RBFOX1: variants seen among roughly 807,000 people sequenced by gnomAD.
RBFOX1 encodes RNA binding fox-1 homolog 1.
A neutral mutation model predicts 57.7 loss-of-function variants in RBFOX1; 8 were observed. The observed-to-expected ratio is 0.14, with a 90% CI of 0.08 to 0.25. The LOEUF (loss-of-function observed/expected upper bound fraction) is 0.25, where lower values mean the gene tolerates loss of function less well. Ranked by LOEUF, RBFOX1 falls within the 10% of genes least tolerant of loss-of-function variation. RBFOX1 has a pLI of 1.00. For missense variants in RBFOX1, 611 were observed against 548.5 expected (o/e 1.11, Z -1.14); for synonymous variants, 326 against 222.4 (o/e 1.47, Z -4.15).
intron 3 of RBFOX1, among the ~76,000 whole-genome samples, chr16:6,767,951 A>AAT (rs1491297125): frequency 1.4e-5 from 1 of 71,862 alleles, no homozygotes; most frequent in Non-Finnish European, 2.5e-5. Flanking sequence ...TAATAATAAG[A>AAT]AGAAGAAGAA....
chr16:7,512,279 G>C (rs2075301149), intron 4 of RBFOX1, among the ~76,000 whole-genome samples: 1 of 152,194 alleles, frequency 6.6e-6, no homozygotes, highest in African/African-American at 2.4e-5. Context: ...CTGTGACCTG[G>C]AGTGGAAAAG....
chr16:5,271,952 G>A (rs188468340), intron 1 of RBFOX1, among the ~76,000 whole-genome samples: 65 of 152,304 alleles, frequency 4.3e-4, no homozygotes, highest in African/African-American at 1.4e-3. Context: ...AGGGTTAATA[G>A]TATTCCGTTG....
At position 5,950,147 on chromosome 16, in the gene RBFOX1, C is replaced by T. The variant is rs533925745; in HGVS notation, c.351+82812C>T. Among the ~76,000 whole-genome samples the T allele has an allele frequency of 5.9e-5, 9 of 152,334 alleles. No homozygotes were observed. In the South Asian group the frequency reaches 1.7e-3, roughly 28 times the overall value. On this transcript the variant is annotated intron_variant, in intron 4 of 19. Transcript: ENST00000641259. ...CACCTGTAATTGGTAAGAATGACTA[C>T]ATCATTTGCAAAACCCAGTGAAAAA...
intron 4 of RBFOX1, among the ~76,000 whole-genome samples, chr16:7,100,841 G>A (rs2062568571): frequency 1.3e-5 from 2 of 152,152 alleles, no homozygotes; most frequent in South Asian, 2.1e-4. Flanking sequence ...ATTGAGAAAT[G>A]TTTTGCAAAG....
chr16:6,247,864 A>G (rs2097577882), intron 1 of RBFOX1, among the ~76,000 whole-genome samples: 2 of 152,294 alleles, frequency 1.3e-5, no homozygotes, highest in South Asian at 4.1e-4. Flanking sequence ...ATGATAGGAA[A>G]GCAGTGGCCA....
chr16:5,877,053 A>G (rs113720719), intron 4 of RBFOX1, among the ~76,000 whole-genome samples: 2 of 152,218 alleles, frequency 1.3e-5, no homozygotes, highest in Non-Finnish European at 2.9e-5. Context: ...ATAAAGGGTC[A>G]GAGAAGAAGG....
At chr16:5,487,286 T>A (rs114564434) in intron 2 of RBFOX1, among the ~76,000 whole-genome samples, 2,582 of 152,300 alleles carry the variant, frequency 0.017, 79 homozygotes, top group African/African-American at 0.059. Flanking sequence ...TGTTGTCTAT[T>A]GTTTCTTGAG....
intron 3 of RBFOX1, among the ~76,000 whole-genome samples, chr16:5,657,818 C>T (rs1396042139): frequency 7.0e-6 from 1 of 142,308 alleles, no homozygotes; most frequent in African/African-American, 2.6e-5. Flanking sequence ...CTGTAACCTT[C>T]ACCTCCCAGT....
chr16:6,581,563 C>T (rs549422412), intron 2 of RBFOX1, among the ~76,000 whole-genome samples: 1 of 152,152 alleles, frequency 6.6e-6, no homozygotes, highest in Non-Finnish European at 1.5e-5. Context: ...GGGATGGCCC[C>T]TTCCTGGGCA....
chr16:5,606,162 G>C (rs1211191585), intron 3 of RBFOX1, among the ~76,000 whole-genome samples: 1 of 152,134 alleles, frequency 6.6e-6, no homozygotes, highest in Non-Finnish European at 1.5e-5. Flanking sequence ...TGTGAGAGTA[G>C]AGAGCAAGGT....
At chr16:7,514,589 A>G (rs919886827) in intron 4 of RBFOX1, among the ~76,000 whole-genome samples, 1 of 152,114 alleles carries the variant, frequency 6.6e-6, no homozygotes, top group African/African-American at 2.4e-5. Flanking sequence ...TTCAGCATCA[A>G]GGAAAGCCTG....
Position 6,641,898 on chromosome 16 carries a change from C to G in RBFOX1, c.-63-12705C>G, listed in dbSNP as rs192449821. ...TTAGCTCACCTGGGGAACACACACACCACTGACCCAGTTAGGGCTTCTTCC... is the reference window on the plus strand; with the variant it reads ...TTAGCTCACCTGGGGAACACACACAGCACTGACCCAGTTAGGGCTTCTTCC... On this transcript the variant is annotated intron_variant, in intron 2 of 15. Transcript: ENST00000550418. Among the ~76,000 whole-genome samples, 24 of 152,250 alleles carry G rather than the reference C, an allele frequency of 1.6e-4. No homozygotes were observed. In the East Asian group the frequency reaches 1.7e-3, roughly 11 times the overall value.
intron 4 of RBFOX1, chr16:7,304,171 GGGGA>G: frequency 1.0e-6 from 1 of 976,890 alleles, no homozygotes; most frequent in African/African-American, 1.8e-5. Context: ...GGTGCGGTGG[GGGGA>G]GGGAGGAGGA....
intron 2 of RBFOX1, among the ~76,000 whole-genome samples, chr16:6,528,592 G>C (rs745616988): frequency 1.3e-5 from 2 of 152,198 alleles, no homozygotes; most frequent in Admixed American, 1.3e-4. Context: ...CAGTTTAACA[G>C]GATAGATACG....
At chr16:6,135,522 G>C (rs1401011731) in intron 1 of RBFOX1, among the ~76,000 whole-genome samples, 2 of 152,016 alleles carry the variant, frequency 1.3e-5, no homozygotes, top group Non-Finnish European at 2.9e-5. Context: ...GATTCAACAG[G>C]GTCAGGTGTG....
At chr16:6,984,327 G>A (rs1173673768) in intron 3 of RBFOX1, among the ~76,000 whole-genome samples, 1 of 152,108 alleles carries the variant, frequency 6.6e-6, no homozygotes, top group Non-Finnish European at 1.5e-5. Flanking sequence ...TTTGATCTGT[G>A]AAATATGATG....
At chr16:6,581,663 C>T (rs761457544) in intron 2 of RBFOX1, among the ~76,000 whole-genome samples, 8 of 152,294 alleles carry the variant, frequency 5.3e-5, no homozygotes, top group Non-Finnish European at 8.8e-5. Flanking sequence ...TATTGATCCC[C>T]AAGCTGCTAA....
chr16:5,806,023 C>T (rs906539986), intron 3 of RBFOX1, among the ~76,000 whole-genome samples: 3 of 152,132 alleles, frequency 2.0e-5, no homozygotes, highest in Non-Finnish European at 4.4e-5. Flanking sequence ...ATCAGGAGCT[C>T]ACATTCCCAT....
intron 1 of RBFOX1, among the ~76,000 whole-genome samples, chr16:6,200,745 GTGATGGGATAGACAAGGGGACTTACC>G (rs2097209537): frequency 6.6e-6 from 1 of 152,188 alleles, no homozygotes; most frequent in Non-Finnish European, 1.5e-5. Context: ...GTGTGTTATT[GTGATGGGATAGACAAGGGGACTTACC>G]TGAAACCAGA....
Sources: allele counts gnomAD v4.1 joint callset (sites outside exome capture counted in the v4.1 genomes callset), GRCh38; gene constraint gnomAD v4.1.1; transcripts MANE v1.5; gene names NCBI Gene and HGNC (gene_info 2026-07-23, HGNC 2026-07-21).